The following HNRNPLL variants were observed in gnomAD, a reference collection of about 807,000 sequenced individuals.
The protein encoded by HNRNPLL is heterogeneous nuclear ribonucleoprotein L like.
In HNRNPLL, 25 loss-of-function variants were observed where a neutral mutation model predicts 67.1. The observed-to-expected ratio is 0.37, with a 90% CI of 0.27 to 0.52. The LOEUF is 0.52. Among genes scored for constraint, HNRNPLL ranks in the 20% least tolerant of loss-of-function variants. The probability of loss-of-function intolerance (pLI) is 0.90; values close to 1 mark genes in which losing one functional copy is unlikely to be tolerated. For synonymous variants in HNRNPLL, 267 were observed against 241.7 expected, an observed-to-expected ratio of 1.10 and a Z score of -0.97; for missense variants, 542 against 673.9, an observed-to-expected ratio of 0.80 and a Z score of 2.17.
intron 2 of HNRNPLL, 102 bp downstream of exon 2, chr2:38,591,428 T>C (rs1666953185): frequency 1.1e-5 from 8 of 738,894 alleles, no homozygotes; most frequent in Admixed American, 1.0e-4. Context: ...TGTTTATATA[T>C]ACAAACAATA....
intron 2 of HNRNPLL, among the ~76,000 whole-genome samples, chr2:38,589,605 T>C (rs999757550): frequency 6.6e-6 from 1 of 152,218 alleles, no homozygotes; most frequent in Non-Finnish European, 1.5e-5. Flanking sequence ...ATTAACTGAA[T>C]GACATTCACA....
chr2:38,569,451 T>A (rs929915579), intron 9 of HNRNPLL, 117 bp from the exon 10 acceptor site: 7 of 659,302 alleles, frequency 1.1e-5, no homozygotes, highest in African/African-American at 5.5e-5. Context: ...AAGGCATACA[T>A]AGAGCTATTT....
Position 38,602,698 on chromosome 2 carries a change from G to T in HNRNPLL, c.-72C>A. ...GGGGCGCGCGCCTCGGATGCCGCCG[G>T]CCAGTCCTCGCCGCCGGCAGCGCCT... is the stretch of plus-strand genomic sequence containing the variant. On this transcript the variant is annotated 5_prime_UTR_variant, in exon 1 of 13. Coordinates refer to ENST00000449105, the MANE Select transcript of HNRNPLL (RefSeq NM_138394.4). 1 of 1,426,140 alleles carries T rather than the reference G, an allele frequency of 7.0e-7. No individual in the cohort carries two copies. The allele number at this position is 1,426,140 out of a possible 1,614,324, so 88.3% of individuals were successfully genotyped here.
chr2:38,595,048 G>A (rs572195927), intron 1 of HNRNPLL, among the ~76,000 whole-genome samples: 60 of 151,720 alleles, frequency 4.0e-4, no homozygotes, highest in East Asian at 1.4e-3. Flanking sequence ...AGGCAGAGGC[G>A]GGCTCAGGAG....
At chr2:38,567,966 A>C in intron 12 of HNRNPLL, 3 of 374,630 alleles carry the variant, frequency 8.0e-6, no homozygotes, top group Non-Finnish European at 1.4e-5. Context: ...CCAAAATACT[A>C]ACCCTCAGAA....
chr2:38,574,234 G>A (rs2148346729), intron 7 of HNRNPLL, among the ~76,000 whole-genome samples: 1 of 151,922 alleles, frequency 6.6e-6, no homozygotes. Context: ...CTAGAGTGTA[G>A]AATGAAAAGA....
chr2:38,597,943 T>G (rs1667271622), intron 1 of HNRNPLL, among the ~76,000 whole-genome samples: 1 of 151,970 alleles, frequency 6.6e-6, no homozygotes, highest in Admixed American at 6.6e-5. Context: ...TGCCTCAGCC[T>G]CCCAAATTGC....
chr2:38,577,506 C>G lies in HNRNPLL; in HGVS notation c.829G>C (p.Ala277Pro). 6.2e-7 allele frequency: 1 copy of G among 1,610,496 alleles called. No homozygotes were observed. The highest frequency in any genetic ancestry group is 8.5e-7 in the Non-Finnish European group (1 of 1,176,962). The stretch of plus-strand genomic sequence containing the variant: ...GAAGAAGGGTGTTCTCCCAAAATGG[C>G]TTGTCTCTGGCGACCCTTTCCTCTA... ...RDRGKGRQRQ[A>P]ILGEHPSSFR... Residue 277 changes from alanine to proline, a missense_variant, in exon 7 of 13, where the codon GCC (alanine) becomes CCC (proline). Physicochemically the swap from Ala to Pro is conservative, Grantham distance 27. Transcript: ENST00000449105.
intron 1 of HNRNPLL, among the ~76,000 whole-genome samples, chr2:38,593,155 C>T (rs949854496): frequency 2.0e-5 from 3 of 152,178 alleles, no homozygotes; most frequent in South Asian, 4.1e-4. Flanking sequence ...TCCGTCTTTC[C>T]TATGGTTAAA....
chr2:38,584,019 T>A (rs925071014), intron 3 of HNRNPLL, 93 bp from the exon 4 acceptor site: 1 of 510,766 alleles, frequency 2.0e-6, no homozygotes, highest in African/African-American at 2.0e-5. Flanking sequence ...AACTATCAAC[T>A]GTCAAGATGT....
chr2:38,591,664 A>C lies in HNRNPLL; in HGVS notation c.190-16T>G. On this transcript the variant is annotated splice_polypyrimidine_tract_variant and intron_variant, in intron 1 of 12. Transcript: ENST00000449105. ...CACCTGCCTCCTAGCAAGAGAAAATAATTTCTAGTTAAAAAAATTTTAAGT... is the reference window on the plus strand; with the variant it reads ...CACCTGCCTCCTAGCAAGAGAAAATCATTTCTAGTTAAAAAAATTTTAAGT... The C allele has an allele frequency of 6.4e-7, 1 of 1,565,460 alleles. No homozygotes were observed. Among genetic ancestry groups the C allele is most frequent in the African/African-American group, 1.4e-5 (1 of 73,984 alleles).
intron 4 of HNRNPLL, among the ~76,000 whole-genome samples, chr2:38,583,342 TTTATTA>T (rs1177649950): frequency 2.0e-5 from 3 of 152,176 alleles, no homozygotes; most frequent in Non-Finnish European, 4.4e-5. Flanking sequence ...GGGTTTTCTC[TTTATTA>T]TTATTATTTA....
chr2:38,577,511 C>A lies in HNRNPLL; in HGVS notation c.824G>T (p.Arg275Ile). 1 of 1,609,842 alleles carries A rather than the reference C, an allele frequency of 6.2e-7. No individual in the cohort carries two copies. Among genetic ancestry groups the A allele is most frequent in the East Asian group, 2.2e-5 (1 of 44,824 alleles). The change falls in exon 7 of 13, where the codon AGA (arginine) becomes ATA (isoleucine). Residue 275 changes from arginine (R) to isoleucine (I), a missense_variant. Arg to Ile is a moderately conservative substitution (Grantham distance 97, BLOSUM62 -3). This residue lies in a region of HNRNPLL where 415 missense variants were observed against 575.2 expected (regional missense o/e 0.72). Coordinates refer to ENST00000449105, the MANE Select transcript of HNRNPLL (RefSeq NM_138394.4). ...AGGGTGTTCTCCCAAAATGGCTTGT[C>A]TCTGGCGACCCTTTCCTCTATCTGA... Reference protein sequence around the residue: ...GRRDRGKGRQRQAILGEHPSS... With the variant: ...GRRDRGKGRQIQAILGEHPSS...
chr2:38,575,032 T>G (rs923953895), intron 7 of HNRNPLL, among the ~76,000 whole-genome samples: 1 of 151,784 alleles, frequency 6.6e-6, no homozygotes, highest in Admixed American at 6.6e-5. Context: ...TTCATGGAAG[T>G]AGAAAGACAC....
chr2:38,562,499 C>G lies in HNRNPLL; in HGVS notation c.*1683G>C, dbSNP rs900285468. The G allele has an allele frequency of 1.3e-5, 2 of 152,020 alleles. No individual in the cohort carries two copies. Among genetic ancestry groups the G allele is most frequent in the African/African-American group, 4.8e-5 (2 of 41,398 alleles). 9.4% of individuals were successfully genotyped at this position (152,020 alleles called of 1,614,324 possible). A position where few individuals can be genotyped will look rare whatever the true frequency, so the allele number is the denominator to read the frequency against. On this transcript the variant is annotated 3_prime_UTR_variant, in exon 13 of 13. Coordinates refer to ENST00000449105, the MANE Select transcript of HNRNPLL (RefSeq NM_138394.4). ...TCAGAGGAGGAAGGAACGTAGACAA[C>G]TATTACATAAACCAAAATTAAGGTA...
At position 38,602,743 on chromosome 2, in the gene HNRNPLL, G is replaced by A. The variant is rs898134138; in HGVS notation, c.-117C>T. 6 of 1,500,546 alleles carry A rather than the reference G, an allele frequency of 4.0e-6. No individual in the cohort carries two copies. The highest frequency in any genetic ancestry group is 5.3e-6 in the Non-Finnish European group (6 of 1,124,136). 93.0% of individuals were successfully genotyped at this position (1,500,546 alleles called of 1,614,324 possible). On this transcript the variant is annotated 5_prime_UTR_variant, in exon 1 of 13. Coordinates refer to ENST00000449105, the MANE Select transcript of HNRNPLL (RefSeq NM_138394.4). ...GCGCCTCTTCTGCGAGGGTCTCCGC[G>A]GCCCGGCCGTCCGCGGGGACTGCGC...
At chr2:38,594,823 G>T (rs189946419) in intron 1 of HNRNPLL, among the ~76,000 whole-genome samples, 33 of 152,070 alleles carry the variant, frequency 2.2e-4, no homozygotes, top group African/African-American at 7.7e-4. Flanking sequence ...GGTGGTGCAC[G>T]TCTGTAGCTA....
chr2:38,569,098 C>A, intron 10 of HNRNPLL, 35 bp downstream of exon 10: 1 of 1,390,276 alleles, frequency 7.2e-7, no homozygotes, highest in Non-Finnish European at 1.0e-6. Context: ...TAGGAAATAG[C>A]AACATTCTAT....
rs990862358 is a variant in HNRNPLL at position 38,602,928 on chromosome 2, T to A, written c.-302A>T. 38 of 1,497,024 alleles carry A rather than the reference T, an allele frequency of 2.5e-5. No individual in the cohort carries two copies. Among genetic ancestry groups the A allele is most frequent in the African/African-American group, 1.4e-4 (10 of 71,470 alleles). 92.7% of individuals were successfully genotyped at this position (1,497,024 alleles called of 1,614,324 possible). A position where few individuals can be genotyped will look rare whatever the true frequency, so the allele number is the denominator to read the frequency against. The stretch of plus-strand genomic sequence containing the variant: ...CTGCCCGGAGGAGCGAATCTAAGGA[T>A]GGGGACGCAACCGTGGCTTCCGGTC... On this transcript the variant is annotated 5_prime_UTR_variant, in exon 1 of 13. Coordinates refer to ENST00000449105, the MANE Select transcript of HNRNPLL (RefSeq NM_138394.4).
Sources: allele counts gnomAD v4.1 joint callset (sites outside exome capture counted in the v4.1 genomes callset), GRCh38; gene constraint gnomAD v4.1.1; regional missense constraint gnomAD v4.1.1; transcripts MANE v1.5; gene names NCBI Gene and HGNC (gene_info 2026-07-23, HGNC 2026-07-21).